Variants in SPAG16 observed in about 807,000 individuals in gnomAD.
The protein encoded by SPAG16 is sperm associated antigen 16, also known as sperm-associated antigen 16 protein.
Under a neutral mutation model 80.4 loss-of-function variants are expected in SPAG16, and 86 were observed. That is an observed-to-expected ratio of 1.07 (90% CI 0.90 to 1.28). The LOEUF is 1.28. Among genes scored for constraint, SPAG16 ranks in the 50% most tolerant of loss-of-function variants. The pLI is 0.00. For missense variants in SPAG16, 870 were observed against 765.3 expected (o/e 1.14, Z -1.61); for synonymous variants, 294 against 265.9 (o/e 1.11, Z -1.03).
At chr2:213,553,369 A>G (rs1242672215) in intron 10 of SPAG16, among the ~76,000 whole-genome samples, 1 of 152,188 alleles carries the variant, frequency 6.6e-6, no homozygotes, top group Non-Finnish European at 1.5e-5. Flanking sequence ...ATGCCAGAAG[A>G]AAGCTAGGAG....
intron 9 of SPAG16, among the ~76,000 whole-genome samples, chr2:213,482,691 CT>C (rs1433678737): frequency 2.0e-5 from 3 of 152,014 alleles, no homozygotes; most frequent in Non-Finnish European, 4.4e-5. Flanking sequence ...TGATTACTCC[CT>C]GACACAGAGT....
At chr2:213,796,920 G>A (rs1366649691) in intron 10 of SPAG16, among the ~76,000 whole-genome samples, 1 of 90,882 alleles carries the variant, frequency 1.1e-5, no homozygotes, top group Non-Finnish European at 3.0e-5. Flanking sequence ...CTGCATGCAT[G>A]TTATTTCTCC....
At chr2:213,446,045 A>G (rs2071288334) in intron 9 of SPAG16, among the ~76,000 whole-genome samples, 2 of 152,158 alleles carry the variant, frequency 1.3e-5, no homozygotes, top group South Asian at 4.1e-4. Context: ...CCAACTTACA[A>G]CATAGTCAAA....
chr2:214,326,924 G>A (rs943466418), intron 15 of SPAG16, among the ~76,000 whole-genome samples: 15 of 120,474 alleles, frequency 1.2e-4, no homozygotes, highest in East Asian at 2.6e-4. Flanking sequence ...CAGCCTGGGC[G>A]ACAGAGTGAG....
At chr2:213,362,553 C>T (rs1329398337) in intron 7 of SPAG16, among the ~76,000 whole-genome samples, 1 of 152,174 alleles carries the variant, frequency 6.6e-6, no homozygotes, top group East Asian at 1.9e-4. Flanking sequence ...GTTTTAAGTA[C>T]TGTTGGTAGC....
chr2:214,193,188 A>G (rs2057715843), intron 15 of SPAG16, among the ~76,000 whole-genome samples: 1 of 152,034 alleles, frequency 6.6e-6, no homozygotes, highest in Admixed American at 6.6e-5. Flanking sequence ...GATTTTATCA[A>G]AAGGTAATTT....
intron 10 of SPAG16, among the ~76,000 whole-genome samples, chr2:213,669,838 T>C (rs2125216019): frequency 6.6e-6 from 1 of 152,270 alleles, no homozygotes; most frequent in East Asian, 1.9e-4. Flanking sequence ...CCTCCTGCAA[T>C]AGAAACTTTG....
chr2:213,554,339 A>G (rs1266663322), intron 10 of SPAG16, among the ~76,000 whole-genome samples: 3 of 152,336 alleles, frequency 2.0e-5, no homozygotes, highest in Non-Finnish European at 2.9e-5. Flanking sequence ...GCTGCACTTT[A>G]TCCAGTAAGT....
chr2:214,326,508 A>G (rs1245869147), intron 15 of SPAG16, among the ~76,000 whole-genome samples: 1 of 151,938 alleles, frequency 6.6e-6, no homozygotes, highest in African/African-American at 2.4e-5. Context: ...GCCAATATTC[A>G]TGGAATGACT....
At chr2:214,288,115 T>C (rs1333260334) in intron 15 of SPAG16, among the ~76,000 whole-genome samples, 1 of 149,788 alleles carries the variant, frequency 6.7e-6, no homozygotes, top group Admixed American at 6.6e-5. Flanking sequence ...TATAATTCTA[T>C]TCTCTGTCTC....
intron 11 of SPAG16, among the ~76,000 whole-genome samples, chr2:213,922,698 AT>A (rs908030953): frequency 6.6e-6 from 1 of 150,476 alleles, no homozygotes; most frequent in Non-Finnish European, 1.5e-5. Context: ...CTTTCAATTG[AT>A]TTTTTTGTTT....
chr2:213,340,414 G>A (rs1376597584), intron 6 of SPAG16, 144 bp downstream of exon 6: 1 of 632,498 alleles, frequency 1.6e-6, no homozygotes, highest in Non-Finnish European at 2.8e-6. Context: ...TGCTGTCAAG[G>A]GTCTCAGAAA....
At chr2:214,100,874 G>C (rs1187419797) in intron 13 of SPAG16, among the ~76,000 whole-genome samples, 1 of 151,952 alleles carries the variant, frequency 6.6e-6, no homozygotes, top group African/African-American at 2.4e-5. Flanking sequence ...TGTCTTTATG[G>C]TAGAAAGGCA....
intron 13 of SPAG16, among the ~76,000 whole-genome samples, chr2:214,061,243 G>C (rs901243518): frequency 6.6e-6 from 1 of 152,162 alleles, no homozygotes; most frequent in Non-Finnish European, 1.5e-5. Context: ...GGGAAGCAGT[G>C]CCAAAAGCTG....
At chr2:213,285,810 T>C in intron 1 of SPAG16, 2 of 908,222 alleles carry the variant, frequency 2.2e-6, no homozygotes, top group Non-Finnish European at 3.1e-6. Context: ...GGTTTTATAC[T>C]GTTTTCGTAG....
intron 15 of SPAG16, among the ~76,000 whole-genome samples, chr2:214,242,602 G>A (rs1177015338): frequency 6.6e-6 from 1 of 151,998 alleles, no homozygotes; most frequent in Non-Finnish European, 1.5e-5. Context: ...AAAAAATATT[G>A]CATTTTTCTA....
intron 12 of SPAG16, among the ~76,000 whole-genome samples, chr2:213,936,322 C>G (rs763240973): frequency 2.0e-5 from 3 of 152,114 alleles, no homozygotes; most frequent in Admixed American, 6.6e-5. Context: ...TAACCCCTGT[C>G]AATTACTTTG....
At chr2:213,874,228 T>C (rs568597557) in intron 11 of SPAG16, among the ~76,000 whole-genome samples, 12 of 152,240 alleles carry the variant, frequency 7.9e-5, no homozygotes, top group African/African-American at 2.6e-4. Flanking sequence ...ACTTAGGCTA[T>C]ACTGAATTTG....
intron 15 of SPAG16, chr2:214,311,640 C>A (rs1695326562): frequency 6.6e-6 from 1 of 152,220 alleles, no homozygotes; most frequent in Admixed American, 6.5e-5. Context: ...ATCCCAACTT[C>A]TTTGTATGGG....
Sources: gnomAD v4.1 joint callset for allele counts (sites outside exome capture counted in the v4.1 genomes callset) on GRCh38, gnomAD v4.1.1 for gene constraint, MANE v1.5 for transcripts, NCBI Gene and HGNC (gene_info 2026-07-23, HGNC 2026-07-21) for gene names.